NCOA1: variants seen among roughly 807,000 people sequenced by gnomAD.
NCOA1 encodes the protein Hin-2 protein.
NCOA1 carries 35 observed loss-of-function variants against 150.9 expected under a neutral mutation model. The observed-to-expected ratio is 0.23, with a 90% CI of 0.18 to 0.31. The LOEUF (loss-of-function observed/expected upper bound fraction) is 0.31, where lower values mean the gene tolerates loss of function less well. NCOA1 is among the 10% of genes least tolerant of loss of function. The pLI is 1.00. For missense variants in NCOA1, 1,491 were observed against 1,749.3 expected (o/e 0.85, Z 2.63); for synonymous variants, 590 against 630.0 (o/e 0.94, Z 0.95).
chr2:24,608,415 G>C (rs912999929), intron 3 of NCOA1, among the ~76,000 whole-genome samples: 2 of 151,132 alleles, frequency 1.3e-5, no homozygotes, highest in Admixed American at 6.6e-5. Flanking sequence ...TAAGTAGCTG[G>C]GACTACAAGC....
chr2:24,673,256 C>A, intron 6 of NCOA1, 110 bp from the exon 7 acceptor site: 1 of 646,504 alleles, frequency 1.5e-6, no homozygotes, highest in Non-Finnish European at 2.6e-6. Context: ...TAGATACTGA[C>A]TAAATGTTAT....
chr2:24,664,921 T>C (rs1372349332), intron 5 of NCOA1, among the ~76,000 whole-genome samples: 6 of 152,214 alleles, frequency 3.9e-5, no homozygotes, highest in Non-Finnish European at 8.8e-5. Context: ...TTCAAAGTCA[T>C]ACTTAACTGT....
intron 10 of NCOA1, among the ~76,000 whole-genome samples, chr2:24,693,667 A>G (rs1028911592): frequency 3.9e-5 from 6 of 152,228 alleles, no homozygotes; most frequent in African/African-American, 4.8e-5. Flanking sequence ...GTAGATATAC[A>G]TACATTTATT....
chr2:24,725,630 A>G (rs930901663), intron 14 of NCOA1, among the ~76,000 whole-genome samples: 3 of 152,052 alleles, frequency 2.0e-5, no homozygotes, highest in African/African-American at 7.2e-5. Flanking sequence ...CAATTAATAT[A>G]TATTCATTTT....
chr2:24,727,529 C>T (rs1432285482), intron 15 of NCOA1, among the ~76,000 whole-genome samples: 3 of 152,172 alleles, frequency 2.0e-5, no homozygotes, highest in East Asian at 1.9e-4. Flanking sequence ...ACGCAGGCTG[C>T]GTCTCATACC....
intron 3 of NCOA1, among the ~76,000 whole-genome samples, chr2:24,636,678 T>TTTATCCA (rs1488454980): frequency 2.6e-5 from 4 of 152,200 alleles, no homozygotes; most frequent in African/African-American, 9.6e-5. Flanking sequence ...AGAGTGAACA[T>TTTATCCA]TCTTGACTTG....
At chr2:24,747,222 G>C (rs1338599334) in intron 19 of NCOA1, among the ~76,000 whole-genome samples, 2 of 151,196 alleles carry the variant, frequency 1.3e-5, no homozygotes, top group Non-Finnish European at 2.9e-5. Context: ...GCTTGCTCTT[G>C]TACTTGGAGT....
chr2:24,745,408 C>G (rs1663861689), intron 19 of NCOA1, among the ~76,000 whole-genome samples: 1 of 152,004 alleles, frequency 6.6e-6, no homozygotes, highest in South Asian at 2.1e-4. Context: ...GTGATCCACC[C>G]ACCTCGGCCT....
At chr2:24,639,916 G>GCATATATATA in intron 3 of NCOA1, among the ~76,000 whole-genome samples, 1 of 29,742 alleles carries the variant, frequency 3.4e-5, no homozygotes, top group African/African-American at 6.5e-5. Flanking sequence ...ATGTGTGTGT[G>GCATATATATA]TATATATATA....
chr2:24,719,639 A>G (rs1486309518), intron 14 of NCOA1, among the ~76,000 whole-genome samples: 1 of 152,160 alleles, frequency 6.6e-6, no homozygotes, highest in Non-Finnish European at 1.5e-5. Context: ...AAACAGGGGA[A>G]AACCAAAAGA....
At chr2:24,757,228 C>A (rs1244342002) in intron 20 of NCOA1, among the ~76,000 whole-genome samples, 2 of 152,118 alleles carry the variant, frequency 1.3e-5, no homozygotes, top group Non-Finnish European at 2.9e-5. Flanking sequence ...TGAGTAAAAC[C>A]TGGGAGTCTC....
intron 1 of NCOA1, among the ~76,000 whole-genome samples, chr2:24,546,947 G>A (rs1290182644): frequency 5.9e-5 from 9 of 152,172 alleles, no homozygotes; most frequent in Non-Finnish European, 1.2e-4. Context: ...CTGGGTTCCT[G>A]CAGTTTCAGA....
At chr2:24,742,919 C>G (rs905183459) in intron 19 of NCOA1, among the ~76,000 whole-genome samples, 14 of 152,236 alleles carry the variant, frequency 9.2e-5, no homozygotes, top group Non-Finnish European at 1.5e-5. Context: ...TCATCACTCT[C>G]AGCTGCTGCT....
intron 4 of NCOA1, among the ~76,000 whole-genome samples, chr2:24,646,732 T>C (rs1351383512): frequency 6.6e-6 from 1 of 151,036 alleles, no homozygotes; most frequent in Non-Finnish European, 1.5e-5. Flanking sequence ...ATGAAAAGGT[T>C]ATCTTAAATA....
chr2:24,728,722 CA>C (rs1662837772), intron 16 of NCOA1, among the ~76,000 whole-genome samples: 1 of 152,212 alleles, frequency 6.6e-6, no homozygotes, highest in African/African-American at 2.4e-5. Flanking sequence ...GAATAGAATC[CA>C]GATTTATAGC....
In NCOA1 at chr2:24,693,203, A is replaced by C. The variant is rs1342648687; in HGVS notation, c.713-49A>C. 8 of 1,537,588 alleles carry C rather than the reference A, an allele frequency of 5.2e-6. No homozygotes were observed. The African/African-American group carries it at 6.8e-5, about 13-fold the overall frequency. ...CATTAATGGCGAGTGATAGATATAA[A>C]CCATTTTCTACTCTCTATCCTTCAA... On this transcript the variant is annotated intron_variant, in intron 9 of 22. Coordinates refer to ENST00000348332, the MANE Select transcript of NCOA1 (RefSeq NM_003743.5).
intron 13 of NCOA1, among the ~76,000 whole-genome samples, chr2:24,709,624 C>T (rs1673635133): frequency 6.6e-6 from 1 of 152,158 alleles, no homozygotes; most frequent in Admixed American, 6.5e-5. Context: ...CTTACTGGCA[C>T]TTTTTGATGA....
chr2:24,732,678 A>G (rs2148648340), intron 17 of NCOA1, among the ~76,000 whole-genome samples: 1 of 152,290 alleles, frequency 6.6e-6, no homozygotes, highest in African/African-American at 2.4e-5. Flanking sequence ...CCAATTGACA[A>G]TCCAAAATGA....
chr2:24,558,588 C>T (rs1045933108), intron 1 of NCOA1, among the ~76,000 whole-genome samples: 10 of 152,274 alleles, frequency 6.6e-5, no homozygotes, highest in South Asian at 4.1e-4. Context: ...GGGTCCCTCC[C>T]ACAACATGGG....
Sources: allele counts gnomAD v4.1 joint callset (sites outside exome capture counted in the v4.1 genomes callset), GRCh38; gene constraint gnomAD v4.1.1; transcripts MANE v1.5; gene names NCBI Gene and HGNC (gene_info 2026-07-23, HGNC 2026-07-21).